AASDH: variants seen among roughly 807,000 people sequenced by gnomAD.
AASDH encodes the protein beta-alanine-activating enzyme.
A neutral mutation model predicts 102.3 loss-of-function variants in AASDH; 81 were observed. That is an observed-to-expected ratio of 0.79 (90% confidence interval 0.66 to 0.95). The LOEUF is 0.95. Ranked by LOEUF, AASDH falls within the 40% of genes least tolerant of loss-of-function variation. The probability of loss-of-function intolerance (pLI) is 0.00; values close to 1 mark genes in which losing one functional copy is unlikely to be tolerated. For missense variants in AASDH, 1,203 were observed against 1,266.2 expected, an observed-to-expected ratio of 0.95 and a Z score of 0.76; for synonymous variants, 398 against 454.0, an observed-to-expected ratio of 0.88 and a Z score of 1.57.
At chr4:56,383,006 G>A (rs548157529) in intron 2 of AASDH, among the ~76,000 whole-genome samples, 34 of 152,308 alleles carry the variant, frequency 2.2e-4, no homozygotes, top group African/African-American at 7.5e-4. Flanking sequence ...GCGGTGAGCC[G>A]AGATCACGCC....
rs7659380 is a variant in AASDH, at chr4:56,371,715, A to G, written c.669-72T>C. 2.9e-6 allele frequency: 4 copies of G among 1,369,936 alleles called. No individual in the cohort carries two copies. In the African/African-American group the frequency reaches 5.9e-5, roughly 20 times the overall value. The allele number at this position is 1,369,936 out of a possible 1,614,324, so 84.9% of individuals were successfully genotyped here. A position where few individuals can be genotyped will look rare whatever the true frequency, so the allele number is the denominator to read the frequency against. On this transcript the variant is annotated intron_variant, in intron 4 of 14. Coordinates refer to ENST00000205214, the MANE Select transcript of AASDH (RefSeq NM_181806.4). Reference sequence around the variant, plus strand: ...AAGCACATATCCTAAAAGAGTGTTCATGTGTTTATGATGATCAAGTTTCTG... The same window carrying G: ...AAGCACATATCCTAAAAGAGTGTTCGTGTGTTTATGATGATCAAGTTTCTG...
chr4:56,343,451 T>A (rs1158746581), intron 13 of AASDH, 111 bp downstream of exon 13: 1 of 724,202 alleles, frequency 1.4e-6, no homozygotes, highest in Non-Finnish European at 2.2e-6. Flanking sequence ...GTTTGGTGTA[T>A]GTGGACTACT....
rs76490887 is a variant in AASDH, at chr4:56,344,344, A to C, written c.2653-660T>G. Among the ~76,000 whole-genome samples, 623 of 152,210 alleles carry C rather than the reference A, an allele frequency of 4.1e-3. 5 individuals are homozygous for C. The highest frequency in any genetic ancestry group is 0.014 in the African/African-American group (586 of 41,550). On this transcript the variant is annotated intron_variant, in intron 12 of 14. Transcript: ENST00000205214. ...TGATGAATATGTCTTCTAATCTAAC[A>C]CCATTTGTTTATCTCAAGAGTTTTT...
intron 5 of AASDH, chr4:56,356,311 T>C: frequency 7.3e-7 from 1 of 1,364,076 alleles, no homozygotes; most frequent in Non-Finnish European, 1.0e-6. Flanking sequence ...AGCCCTGCTC[T>C]ATCAGGTTGC....
intron 5 of AASDH, among the ~76,000 whole-genome samples, chr4:56,359,428 T>G (rs1750034108): frequency 6.6e-6 from 1 of 151,246 alleles, no homozygotes. Context: ...TGTGGCTAAT[T>G]TTTTTGCATT....
At position 56,384,176 on chromosome 4, in the gene AASDH, C is replaced by T. The variant is rs1226649602; in HGVS notation, c.124G>A (p.Ala42Thr). 6.2e-7 allele frequency: 1 copy of T among 1,614,146 alleles called. No individual in the cohort carries two copies. Among genetic ancestry groups the T allele is most frequent in the African/African-American group, 1.3e-5 (1 of 75,050 alleles). ...AGCAGAAAATTTGATAATTCAGAAG[C>T]AGCATTAACCACAGTCTTGTAGGTG... ...YYTYKTVVNA[A>T]SELSNFLLLH... The change falls in exon 2 of 15, where the codon GCT becomes ACT. Residue 42 changes from alanine to threonine, a missense_variant. Physicochemically the swap from Ala to Thr is moderately conservative, Grantham distance 58 (BLOSUM62 0). Transcript: ENST00000205214.
intron 4 of AASDH, among the ~76,000 whole-genome samples, chr4:56,373,444 C>T (rs1751976487): frequency 6.6e-6 from 1 of 152,040 alleles, no homozygotes; most frequent in Non-Finnish European, 1.5e-5. Context: ...CGCCTGGCCT[C>T]TAGGTTTTAT....
intron 12 of AASDH, among the ~76,000 whole-genome samples, chr4:56,344,902 A>G (rs1323089732): frequency 6.7e-6 from 1 of 148,832 alleles, no homozygotes; most frequent in Non-Finnish European, 1.5e-5. Context: ...TAATGCTTCT[A>G]TGCTTATGGT....
At chr4:56,360,400 G>A (rs1447230347) in intron 5 of AASDH, among the ~76,000 whole-genome samples, 1 of 152,190 alleles carries the variant, frequency 6.6e-6, no homozygotes, top group South Asian at 2.1e-4. Context: ...TGCTGCAGCT[G>A]GTCATGGGCA....
intron 6 of AASDH, among the ~76,000 whole-genome samples, 156 bp from the exon 7 acceptor site, chr4:56,354,967 C>T (rs1276067921): frequency 6.6e-6 from 1 of 152,086 alleles, no homozygotes; most frequent in African/African-American, 2.4e-5. Flanking sequence ...GGAAAGGTAA[C>T]CATATATGTT....
At chr4:56,371,244 A>G (rs550007666) in intron 5 of AASDH, among the ~76,000 whole-genome samples, 1 of 152,334 alleles carries the variant, frequency 6.6e-6, no homozygotes, top group African/African-American at 2.4e-5. Flanking sequence ...AATACATAAT[A>G]AAAGAATTTT....
intron 5 of AASDH, among the ~76,000 whole-genome samples, chr4:56,367,958 C>T (rs1751222237): frequency 6.6e-6 from 1 of 152,116 alleles, no homozygotes; most frequent in African/African-American, 2.4e-5. Context: ...AAGATTTCTG[C>T]AACCTACTCA....
At chr4:56,343,814 G>T in intron 12 of AASDH, 130 bp from the exon 13 acceptor site, 1 of 875,766 alleles carries the variant, frequency 1.1e-6, no homozygotes, top group Non-Finnish European at 1.6e-6. Flanking sequence ...CATGCCTACT[G>T]TGGAGAATCA....
chr4:56,378,610 T>C (rs1752619301), intron 3 of AASDH, 146 bp from the exon 4 acceptor site: 1 of 703,074 alleles, frequency 1.4e-6, no homozygotes, highest in Non-Finnish European at 2.3e-6. Context: ...AATCTGAAGA[T>C]GCTCAAGTCC....
intron 10 of AASDH, among the ~76,000 whole-genome samples, chr4:56,350,504 TAATAAA>T (rs527798248): frequency 1.9e-3 from 281 of 151,788 alleles, no homozygotes; most frequent in African/African-American, 6.2e-3. Flanking sequence ...ATACTTTTAA[TAATAAA>T]AATAAAGTTT....
At chr4:56,370,220 T>C (rs1221497251) in intron 5 of AASDH, among the ~76,000 whole-genome samples, 1 of 149,670 alleles carries the variant, frequency 6.7e-6, no homozygotes, top group Non-Finnish European at 1.5e-5. Flanking sequence ...AAAATTAGCC[T>C]GGTGTGGTGG....
intron 5 of AASDH, among the ~76,000 whole-genome samples, chr4:56,355,641 CAG>C (rs1749553015): frequency 8.0e-6 from 1 of 124,800 alleles, no homozygotes; most frequent in Non-Finnish European, 1.6e-5. Context: ...TTTTTTGAGA[CAG>C]GGTCTCACTC....
rs777278296 is a variant in AASDH, at chr4:56,387,437, C to T, written c.-118G>A. Reference sequence around the variant, plus strand: ...AGCTCGTCGCGGATACTTCTCACAGCGAAGCAGCAGCTCCCAGAAGCCGTA... The same window carrying T: ...AGCTCGTCGCGGATACTTCTCACAGTGAAGCAGCAGCTCCCAGAAGCCGTA... On this transcript the variant is annotated 5_prime_UTR_variant, in exon 1 of 15. Coordinates refer to ENST00000205214, the MANE Select transcript of AASDH (RefSeq NM_181806.4). 3 of 152,238 alleles carry T rather than the reference C, an allele frequency of 2.0e-5. No homozygotes were observed. The highest frequency in any genetic ancestry group is 4.4e-5 in the Non-Finnish European group (3 of 68,086). 9.4% of individuals were successfully genotyped at this position (152,238 alleles called of 1,614,324 possible). A position where few individuals can be genotyped will look rare whatever the true frequency, so the allele number is the denominator to read the frequency against.
chr4:56,349,015 G>T, intron 11 of AASDH: 1 of 510,066 alleles, frequency 2.0e-6, no homozygotes, highest in Non-Finnish European at 3.4e-6. Flanking sequence ...CACAAGGAAA[G>T]TGAAATTCTA....
Sources: allele counts gnomAD v4.1 joint callset (sites outside exome capture counted in the v4.1 genomes callset), GRCh38; gene constraint gnomAD v4.1.1; transcripts MANE v1.5; gene names NCBI Gene and HGNC (gene_info 2026-07-23, HGNC 2026-07-21).